Variants in CAPN5 observed in about 807,000 individuals in gnomAD.
The protein encoded by CAPN5 is calpain-5.
CAPN5 carries 54 observed loss-of-function variants against 73.0 expected under a neutral mutation model. The ratio of observed to expected loss-of-function variants is 0.74; its 90% CI spans 0.59 to 0.93. The LOEUF (loss-of-function observed/expected upper bound fraction) is 0.93, where lower values mean the gene tolerates loss of function less well. Among genes scored for constraint, CAPN5 ranks in the 40% least tolerant of loss-of-function variants. The pLI is 0.00. For missense variants in CAPN5, 785 were observed against 882.9 expected, an observed-to-expected ratio of 0.89 and a Z score of 1.41; for synonymous variants, 335 against 356.9, an observed-to-expected ratio of 0.94 and a Z score of 0.69.
At chr11:77,104,271 A>G (rs1386908251) in intron 3 of CAPN5, among the ~76,000 whole-genome samples, 2 of 152,194 alleles carry the variant, frequency 1.3e-5, no homozygotes, top group African/African-American at 4.8e-5. Flanking sequence ...TTGGAGCTGG[A>G]GAGAGTGGAT....
intron 1 of CAPN5, among the ~76,000 whole-genome samples, chr11:77,069,396 A>T (rs557120167): frequency 2.0e-5 from 3 of 152,202 alleles, no homozygotes; most frequent in Admixed American, 6.5e-5. Flanking sequence ...AGAAGGGTGG[A>T]AGGAAACAGT....
At chr11:77,109,407 A>G (rs1277807181) in intron 3 of CAPN5, among the ~76,000 whole-genome samples, 2 of 152,094 alleles carry the variant, frequency 1.3e-5, no homozygotes, top group Non-Finnish European at 2.9e-5. Context: ...TTGATTCCCT[A>G]CCCACCTCCG....
intron 10 of CAPN5, among the ~76,000 whole-genome samples, chr11:77,121,732 A>G (rs1378710218): frequency 6.6e-6 from 1 of 152,154 alleles, no homozygotes; most frequent in African/African-American, 2.4e-5. Context: ...AGGATGGGGT[A>G]CCCTTGATAG....
chr11:77,097,660 T>G (rs1424958839), intron 3 of CAPN5, among the ~76,000 whole-genome samples: 2 of 107,502 alleles, frequency 1.9e-5, no homozygotes, highest in East Asian at 2.6e-4. Flanking sequence ...AGATTAGGGA[T>G]TGGTGATGAC....
intron 2 of CAPN5, among the ~76,000 whole-genome samples, chr11:77,085,653 C>A (rs936813861): frequency 1.1e-4 from 17 of 152,156 alleles, no homozygotes; most frequent in African/African-American, 4.1e-4. Flanking sequence ...GGCGTCTCTC[C>A]GACCACTCCT....
chr11:77,079,663 A>T (rs1950009371), intron 1 of CAPN5, among the ~76,000 whole-genome samples: 2 of 152,156 alleles, frequency 1.3e-5, no homozygotes, highest in South Asian at 4.1e-4. Context: ...GAATTACTAG[A>T]TTATATGAAC....
intron 11 of CAPN5, 26 bp downstream of exon 11, chr11:77,122,075 C>T (rs369757095): frequency 1.1e-5 from 15 of 1,370,396 alleles, no homozygotes; most frequent in Middle Eastern, 4.4e-4. Context: ...GAGAGTCCCC[C>T]GGCCCTCCTG....
intron 3 of CAPN5, chr11:77,102,993 G>T: frequency 6.2e-7 from 1 of 1,613,492 alleles, no homozygotes; most frequent in Non-Finnish European, 8.5e-7. Flanking sequence ...AGCGGAGTCT[G>T]TGTACCGCCT....
At chr11:77,089,848 T>C (rs2135430577) in intron 2 of CAPN5, among the ~76,000 whole-genome samples, 1 of 152,234 alleles carries the variant, frequency 6.6e-6, no homozygotes, top group Non-Finnish European at 1.5e-5. Flanking sequence ...CATTCCAGCC[T>C]GGGCGACAGG....
chr11:77,123,749 C>G lies in CAPN5; in HGVS notation c.1802C>G (p.Pro601Arg). ...FLGQVHLKADPDNLQALHTLH... is the reference protein window; with the variant it reads ...FLGQVHLKADRDNLQALHTLH... ...GGCCAGGTGCACCTAAAGGCTGACC[C>G]GGACAACCTCCAGGCCCTGCATACC... The change falls in exon 13 of 13, where the codon CCG becomes CGG. Residue 601 changes from proline (P) to arginine (R), a missense_variant. Pro to Arg is a moderately radical substitution (Grantham distance 103). Coordinates refer to ENST00000648180, the MANE Select transcript of CAPN5 (RefSeq NM_004055.5). The G allele has an allele frequency of 6.2e-7, 1 of 1,613,938 alleles. No individual in the cohort carries two copies. The highest frequency in any genetic ancestry group is 8.5e-7 in the Non-Finnish European group (1 of 1,179,972).
At chr11:77,114,951 T>A (rs1950450727) in intron 5 of CAPN5, among the ~76,000 whole-genome samples, 1 of 152,078 alleles carries the variant, frequency 6.6e-6, no homozygotes, top group Admixed American at 6.5e-5. Context: ...TAATCCCAGC[T>A]ACTCGGGAGG....
intron 1 of CAPN5, among the ~76,000 whole-genome samples, chr11:77,082,567 G>A (rs1292887466): frequency 6.6e-6 from 1 of 152,190 alleles, no homozygotes; most frequent in Non-Finnish European, 1.5e-5. Context: ...GCAAGGGCCG[G>A]GGCCAGAAGA....
chr11:77,116,813 AGGTACAGAGTAGGCCTT>A (rs1326914963), intron 7 of CAPN5, among the ~76,000 whole-genome samples: 3 of 152,290 alleles, frequency 2.0e-5, no homozygotes, highest in South Asian at 4.1e-4. Flanking sequence ...CTGAGACTTG[AGGTACAGAGTAGGCCTT>A]GGTGGGCAAG....
intron 3 of CAPN5, among the ~76,000 whole-genome samples, chr11:77,104,284 TC>T (rs782379787): frequency 6.6e-5 from 10 of 152,158 alleles, no homozygotes; most frequent in Non-Finnish European, 1.0e-4. Context: ...GAGTGGATTC[TC>T]CAGGGCCTCA....
At chr11:77,122,104 C>T in intron 11 of CAPN5, 55 bp downstream of exon 11, 1 of 1,053,176 alleles carries the variant, frequency 9.5e-7, no homozygotes, top group East Asian at 2.7e-5. Flanking sequence ...CCCATGGCCT[C>T]TCTCCACCAG....
At chr11:77,088,165 A>G in intron 2 of CAPN5, 1 of 831,582 alleles carries the variant, frequency 1.2e-6, no homozygotes, top group South Asian at 1.8e-5. Flanking sequence ...TGGAATGCAC[A>G]GGGGACAAGG....
chr11:77,102,557 C>T (rs1276477950), intron 3 of CAPN5, among the ~76,000 whole-genome samples: 1 of 152,262 alleles, frequency 6.6e-6, no homozygotes, highest in Admixed American at 6.5e-5. Context: ...CAGCAATTGA[C>T]ATCAGCGACC....
chr11:77,079,554 GT>G (rs1217907255), intron 1 of CAPN5, among the ~76,000 whole-genome samples: 2 of 152,082 alleles, frequency 1.3e-5, no homozygotes, highest in Non-Finnish European at 2.9e-5. Context: ...CATTTAGCTT[GT>G]TTCTCATTTT....
intron 10 of CAPN5, 27 bp from the exon 11 acceptor site, chr11:77,121,907 C>A: frequency 7.4e-7 from 1 of 1,355,552 alleles, no homozygotes. Context: ...CTCCATCACT[C>A]CCCTCTCCCC....
Sources: allele counts gnomAD v4.1 joint callset (sites outside exome capture counted in the v4.1 genomes callset), GRCh38; gene constraint gnomAD v4.1.1; transcripts MANE v1.5; gene names NCBI Gene and HGNC (gene_info 2026-07-23, HGNC 2026-07-21).